BRINP1: variants seen among roughly 807,000 people sequenced by gnomAD.
BRINP1 encodes the protein BMP/retinoic acid-inducible neural-specific protein 1.
A neutral mutation model predicts 72.9 loss-of-function variants in BRINP1; 17 were observed. The ratio of observed to expected loss-of-function variants is 0.23; its 90% confidence interval spans 0.16 to 0.35. BRINP1 has a LOEUF of 0.35. BRINP1 is among the 10% of genes least tolerant of loss of function. BRINP1 has a pLI of 1.00. For synonymous variants in BRINP1, 418 were observed against 378.5 expected (o/e 1.10, Z -1.21); for missense variants, 850 against 1,001.6 (o/e 0.85, Z 2.04).
chr9:119,308,493 C>T (rs904380661), intron 2 of BRINP1, among the ~76,000 whole-genome samples: 2 of 152,180 alleles, frequency 1.3e-5, no homozygotes, highest in Non-Finnish European at 2.9e-5. Context: ...CTAATCTATA[C>T]TCTTGAATGA....
At chr9:119,276,647 C>T (rs1488237189) in intron 2 of BRINP1, among the ~76,000 whole-genome samples, 1 of 152,140 alleles carries the variant, frequency 6.6e-6, no homozygotes, top group Non-Finnish European at 1.5e-5. Flanking sequence ...CAATGAGTAC[C>T]TTCATCCATG....
intron 5 of BRINP1, among the ~76,000 whole-genome samples, chr9:119,229,407 G>A (rs1398643917): frequency 3.3e-5 from 5 of 152,046 alleles, no homozygotes; most frequent in African/African-American, 1.2e-4. Context: ...TAGAGGCTCG[G>A]AGGCTGCAGT....
intron 5 of BRINP1, among the ~76,000 whole-genome samples, chr9:119,234,827 A>G (rs1830179112): frequency 6.6e-6 from 1 of 152,154 alleles, no homozygotes; most frequent in Non-Finnish European, 1.5e-5. Flanking sequence ...AATGAATCTG[A>G]ACAGACAGAA....
At chr9:119,286,873 A>G (rs1324298716) in intron 2 of BRINP1, among the ~76,000 whole-genome samples, 2 of 152,198 alleles carry the variant, frequency 1.3e-5, no homozygotes, top group African/African-American at 2.4e-5. Flanking sequence ...GACTTCGGTT[A>G]TTCAATAAAA....
chr9:119,194,864 C>A (rs890254183), intron 7 of BRINP1, among the ~76,000 whole-genome samples: 8 of 152,116 alleles, frequency 5.3e-5, no homozygotes, highest in African/African-American at 1.9e-4. Flanking sequence ...CTATACCATA[C>A]CTAAACTCCT....
rs190232024 is a variant in BRINP1 at position 119,299,045 on chromosome 9, T to C, written c.218+14093A>G. Among the ~76,000 whole-genome samples the C allele has an allele frequency of 1.7e-4, 26 of 152,206 alleles. No individual in the cohort carries two copies. In the East Asian group the frequency reaches 5.0e-3, roughly 29 times the overall value. ...CAATCAAATTAATTAATATATGCAT[T>C]ACCTCACATACTTATTTTTGGTGGT... On this transcript the variant is annotated intron_variant, in intron 2 of 7. Transcript: ENST00000265922.
chr9:119,263,264 T>TAACA, intron 2 of BRINP1, among the ~76,000 whole-genome samples: 1 of 152,180 alleles, frequency 6.6e-6, no homozygotes, highest in South Asian at 2.1e-4. Flanking sequence ...TCTGCCTTTT[T>TAACA]AACAAGCTCC....
chr9:119,212,683 T>G (rs564737958), intron 6 of BRINP1, among the ~76,000 whole-genome samples: 2 of 152,346 alleles, frequency 1.3e-5, no homozygotes, highest in South Asian at 2.1e-4. Context: ...ACAGGAATGC[T>G]TTTTTGCATG....
At chr9:119,344,873 T>TA (rs1831435475) in intron 1 of BRINP1, among the ~76,000 whole-genome samples, 2 of 152,092 alleles carry the variant, frequency 1.3e-5, no homozygotes, top group South Asian at 2.1e-4. Flanking sequence ...CATAAGCACA[T>TA]AAAAAAATAG....
intron 7 of BRINP1, among the ~76,000 whole-genome samples, chr9:119,169,328 G>C (rs1829369101): frequency 6.6e-6 from 1 of 152,228 alleles, no homozygotes; most frequent in African/African-American, 2.4e-5. Flanking sequence ...AAGTGCAAGG[G>C]GTCAGGGAGT....
Position 119,248,949 on chromosome 9 carries a change from T to G in BRINP1, c.409+11A>C, listed in dbSNP as rs1830350495. On this transcript the variant is annotated intron_variant, in intron 3 of 7. Coordinates refer to ENST00000265922, the MANE Select transcript of BRINP1 (RefSeq NM_014618.3). ...CATGAGAAGGCTCTGGCCCAGTGGC[T>G]GCTGACCTACCTCCCAATGTGGCTG... 6.2e-7 allele frequency: 1 copy of G among 1,607,224 alleles called. No homozygotes were observed. Among genetic ancestry groups the G allele is most frequent in the Admixed American group, 1.7e-5 (1 of 59,784 alleles).
intron 7 of BRINP1, among the ~76,000 whole-genome samples, chr9:119,172,912 C>G (rs1376282810): frequency 6.6e-6 from 1 of 150,816 alleles, no homozygotes; most frequent in East Asian, 1.9e-4. Flanking sequence ...GCAGAAAAAG[C>G]CTTTGACAAA....
At chr9:119,323,632 G>T (rs2119005830) in intron 1 of BRINP1, among the ~76,000 whole-genome samples, 1 of 152,336 alleles carries the variant, frequency 6.6e-6, no homozygotes, top group Non-Finnish European at 1.5e-5. Context: ...CCAAAGAAAT[G>T]CTGCCAGTAA....
chr9:119,214,027 C>T lies in BRINP1; in HGVS notation c.814G>A (p.Glu272Lys). Residue 272 changes from glutamate to lysine, a missense_variant, in exon 6 of 8, where the codon GAG (glutamate) becomes AAG (lysine). Glu to Lys is a moderately conservative substitution (Grantham distance 56, BLOSUM62 1). Transcript: ENST00000265922. ...ATGGGGCAGTTGCACTGCGGAAACT[C>T]CTCGGCACATTGGCAGCGACACTGG... ...NSQCRCQCAE[E>K]FPQCNCPITD... The T allele has an allele frequency of 3.7e-6, 6 of 1,614,156 alleles. No homozygotes were observed. Among genetic ancestry groups the T allele is most frequent in the Non-Finnish European group, 5.1e-6 (6 of 1,180,022 alleles).
chr9:119,304,941 A>C (rs553060272), intron 2 of BRINP1, among the ~76,000 whole-genome samples: 5 of 152,298 alleles, frequency 3.3e-5, no homozygotes, highest in African/African-American at 1.2e-4. Context: ...TGTCAGCTTC[A>C]TGTTTCAAAG....
At chr9:119,352,058 A>G (rs1831512697) in intron 1 of BRINP1, among the ~76,000 whole-genome samples, 1 of 152,008 alleles carries the variant, frequency 6.6e-6, no homozygotes, top group Non-Finnish European at 1.5e-5. Context: ...TCAGCCTCCG[A>G]AAGTTCTGGG....
At chr9:119,351,175 T>C (rs1217762287) in intron 1 of BRINP1, among the ~76,000 whole-genome samples, 1 of 152,216 alleles carries the variant, frequency 6.6e-6, no homozygotes, top group Admixed American at 6.5e-5. Flanking sequence ...TATCCACTTA[T>C]TAATGCACTT....
intron 1 of BRINP1, among the ~76,000 whole-genome samples, chr9:119,326,703 A>G (rs1258580607): frequency 6.6e-6 from 1 of 152,208 alleles, no homozygotes; most frequent in Non-Finnish European, 1.5e-5. Flanking sequence ...CCAGTTTGCT[A>G]CAATTCAATA....
intron 2 of BRINP1, among the ~76,000 whole-genome samples, chr9:119,257,849 C>A (rs549543303): frequency 6.6e-6 from 1 of 152,080 alleles, no homozygotes; most frequent in Non-Finnish European, 1.5e-5. Flanking sequence ...TGCATCTTAA[C>A]GAGAGGGTGT....
Sources: allele counts gnomAD v4.1 joint callset (sites outside exome capture counted in the v4.1 genomes callset), GRCh38; gene constraint gnomAD v4.1.1; transcripts MANE v1.5; gene names NCBI Gene and HGNC (gene_info 2026-07-23, HGNC 2026-07-21).